Variants in TANC1 observed in about 807,000 individuals in gnomAD.
TANC1 encodes protein TANC1.
TANC1 carries 77 observed loss-of-function variants against 149.7 expected under a neutral mutation model. That is an observed-to-expected ratio of 0.51 (90% CI 0.43 to 0.62). The LOEUF (loss-of-function observed/expected upper bound fraction) is 0.62, where lower values mean the gene tolerates loss of function less well. Among genes scored for constraint, TANC1 ranks in the 20% least tolerant of loss-of-function variants. TANC1 has a pLI of 0.00. For missense variants in TANC1, 1,985 were observed against 2,321.8 expected (o/e 0.85, Z 2.98); for synonymous variants, 854 against 925.0 (o/e 0.92, Z 1.39).
At chr2:158,990,794 T>A (rs1416871361) in intron 1 of TANC1, among the ~76,000 whole-genome samples, 1 of 152,128 alleles carries the variant, frequency 6.6e-6, no homozygotes, top group South Asian at 2.1e-4. Flanking sequence ...GGTTATGGGC[T>A]GAGTGCTGTG....
intron 4 of TANC1, among the ~76,000 whole-genome samples, chr2:159,099,384 G>A (rs1405815111): frequency 6.6e-6 from 1 of 151,836 alleles, no homozygotes; most frequent in African/African-American, 2.4e-5. Context: ...CTGTCATACT[G>A]GGTTATCCTG....
At chr2:159,187,136 G>C (rs1050519477) in intron 16 of TANC1, 112 bp downstream of exon 16, 18 of 1,289,334 alleles carry the variant, frequency 1.4e-5, no homozygotes, top group Non-Finnish European at 1.8e-5. Context: ...GGACGCAGAG[G>C]AGCTTCTAAA....
chr2:159,042,758 A>G (rs2040753000), intron 2 of TANC1, among the ~76,000 whole-genome samples: 1 of 151,956 alleles, frequency 6.6e-6, no homozygotes, highest in Admixed American at 6.6e-5. Flanking sequence ...TTGAGGGAAG[A>G]GAAAGAGCAA....
intron 2 of TANC1, among the ~76,000 whole-genome samples, chr2:159,012,956 AT>A (rs2037914228): frequency 6.6e-6 from 1 of 152,048 alleles, no homozygotes; most frequent in Admixed American, 6.6e-5. Context: ...ATGTAGCTCT[AT>A]TTTTTAGCCA....
At position 159,097,622 on chromosome 2, in the gene TANC1, C is replaced by T; in HGVS notation, c.62-15C>T. 6.3e-7 allele frequency: 1 copy of T among 1,599,176 alleles called. No homozygotes were observed. On this transcript the variant is annotated splice_polypyrimidine_tract_variant and intron_variant, in intron 3 of 26. Transcript: ENST00000263635. ...GAATGGATGGTTTAACCTAAGTATT[C>T]TCTCTCTACTCTAGGAAGTGACTTT...
At chr2:159,122,103 A>T (rs2048908424) in intron 4 of TANC1, among the ~76,000 whole-genome samples, 1 of 151,994 alleles carries the variant, frequency 6.6e-6, no homozygotes, top group African/African-American at 2.4e-5. Context: ...ACACCCACCT[A>T]ATTTTTGTAT....
intron 3 of TANC1, among the ~76,000 whole-genome samples, chr2:159,082,987 C>T (rs1326713578): frequency 1.3e-5 from 2 of 152,028 alleles, no homozygotes; most frequent in African/African-American, 2.4e-5. Flanking sequence ...GCTTTGTCTC[C>T]CAGGCTGGAG....
chr2:159,207,721 A>AC (rs2058718117), intron 19 of TANC1, among the ~76,000 whole-genome samples: 1 of 145,350 alleles, frequency 6.9e-6, no homozygotes, highest in Admixed American at 6.7e-5. Flanking sequence ...AAAAAAAAAA[A>AC]AAAAAACAAC....
chr2:159,016,858 G>A (rs2038334059), intron 2 of TANC1, among the ~76,000 whole-genome samples: 1 of 152,126 alleles, frequency 6.6e-6, no homozygotes, highest in Non-Finnish European at 1.5e-5. Context: ...ACAGGTGTGA[G>A]CCACTGCACC....
chr2:159,026,949 A>C (rs2039393402), intron 2 of TANC1: 1 of 152,018 alleles, frequency 6.6e-6, no homozygotes, highest in Non-Finnish European at 1.5e-5. Flanking sequence ...AATTTCATCT[A>C]TCAATAGTAA....
In TANC1 at chr2:159,229,989, A is replaced by G. The variant is rs755901128; in HGVS notation, c.4563A>G (p.Pro1521=). 2 of 1,614,086 alleles carry G rather than the reference A, an allele frequency of 1.2e-6. No homozygotes were observed. Among genetic ancestry groups the G allele is most frequent in the South Asian group, 2.2e-5 (2 of 91,088 alleles). Residue 1521 remains proline (P), a synonymous_variant, in exon 27 of 27, where the codon CCA becomes CCG. Transcript: ENST00000263635. Reference sequence around the variant, plus strand: ...CCCTGAGAGAGCCTGTGGCCCAGCCAGGGCTGCTCCTGCAGCCCTCCAAGC... The same window carrying G: ...CCCTGAGAGAGCCTGTGGCCCAGCCGGGGCTGCTCCTGCAGCCCTCCAAGC... ...GKSLREPVAQ[P]GLLLQPSKQA... is the part of the protein sequence containing the mutation.
chr2:159,142,995 G>C (rs6731216), intron 5 of TANC1, among the ~76,000 whole-genome samples: 34,519 of 149,628 alleles, frequency 0.23, 4,273 homozygotes, highest in East Asian at 0.43. Context: ...CCCAGGAGTT[G>C]GTGGTTGCTG....
intron 11 of TANC1, among the ~76,000 whole-genome samples, chr2:159,172,512 A>G: frequency 6.6e-6 from 1 of 152,244 alleles, no homozygotes. Flanking sequence ...GAGTTCCTCA[A>G]GGCAGCAGAA....
At position 159,178,098 on chromosome 2, in the gene TANC1, C is replaced by CT. The variant is rs1272883534; in HGVS notation, c.1903-458_1903-457insT. 2.6e-5 allele frequency among the ~76,000 whole-genome samples: 4 copies of CT among 152,214 alleles called. No homozygotes were observed. The East Asian group carries it at 7.7e-4, about 29-fold the overall frequency. On this transcript the variant is annotated intron_variant, in intron 13 of 26. Coordinates refer to ENST00000263635, the MANE Select transcript of TANC1 (RefSeq NM_033394.3). ...AGATTTCCTGATTGGGTTACACAGCCCCAGTGTTTGCTGCATAAAGAAGGA... is the reference window on the plus strand; with the variant it reads ...AGATTTCCTGATTGGGTTACACAGCCTCCAGTGTTTGCTGCATAAAGAAGGA...
At chr2:159,113,475 G>C (rs1054094181) in intron 4 of TANC1, among the ~76,000 whole-genome samples, 1 of 152,156 alleles carries the variant, frequency 6.6e-6, no homozygotes, top group Non-Finnish European at 1.5e-5. Flanking sequence ...CTACCATATG[G>C]GTCTTTGAGA....
At chr2:159,212,220 T>C (rs1488497388) in intron 19 of TANC1, among the ~76,000 whole-genome samples, 10 of 152,230 alleles carry the variant, frequency 6.6e-5, no homozygotes, top group Admixed American at 6.5e-4. Flanking sequence ...TTCCTTTGCA[T>C]GGCATCATGC....
At chr2:159,217,864 C>T (rs1043351604) in intron 20 of TANC1, among the ~76,000 whole-genome samples, 1 of 152,228 alleles carries the variant, frequency 6.6e-6, no homozygotes, top group Non-Finnish European at 1.5e-5. Flanking sequence ...GTCAGAGACA[C>T]AGCCACTGCC....
intron 2 of TANC1, among the ~76,000 whole-genome samples, chr2:159,014,818 CCAT>C (rs975251590): frequency 6.6e-6 from 1 of 152,214 alleles, no homozygotes; most frequent in African/African-American, 2.4e-5. Context: ...TCCTTTGTCT[CCAT>C]GTCTCACATC....
chr2:159,076,043 G>A (rs561821778), intron 3 of TANC1, among the ~76,000 whole-genome samples: 175 of 152,048 alleles, frequency 1.2e-3, no homozygotes, highest in Non-Finnish European at 1.7e-3. Context: ...TTTTTAATTA[G>A]CATTTCTTTG....
Sources: gnomAD v4.1 joint callset for allele counts (sites outside exome capture counted in the v4.1 genomes callset) on GRCh38, gnomAD v4.1.1 for gene constraint, MANE v1.5 for transcripts, NCBI Gene and HGNC (gene_info 2026-07-23, HGNC 2026-07-21) for gene names.